REPS1: variants seen among roughly 807,000 people sequenced by gnomAD.
The protein encoded by REPS1 is ralBP1-associated Eps domain-containing protein 1.
In REPS1, 39 loss-of-function variants were observed where a neutral mutation model predicts 100.9. That is an observed-to-expected ratio of 0.39 (90% CI 0.30 to 0.50). The LOEUF (loss-of-function observed/expected upper bound fraction) is 0.50. Among genes scored for constraint, REPS1 ranks in the 20% least tolerant of loss-of-function variants. REPS1 has a pLI of 0.86. For missense variants in REPS1, 821 were observed against 968.5 expected (o/e 0.85, Z 2.02); for synonymous variants, 324 against 340.3 (o/e 0.95, Z 0.53).
Position 138,920,273 on chromosome 6 carries a change from G to A in REPS1, c.1470C>T (p.Asp490=), listed in dbSNP as rs1443417891. 1 of 1,604,304 alleles carries A rather than the reference G, an allele frequency of 6.2e-7. No homozygotes were observed. The highest frequency in any genetic ancestry group is 8.5e-7 in the Non-Finnish European group (1 of 1,171,406). Residue 490 remains aspartate, a synonymous_variant, in exon 12 of 20, where the codon GAC becomes GAT. Coordinates refer to ENST00000450536, the MANE Select transcript of REPS1 (RefSeq NM_001286611.2). ...AATTTATCTTATTTTCTTCTAAAAG[G>A]TCAGATGGTTTCACAAGTAATGGGC... ...PTSPLLVKPS[D]LLEENKINSS...
intron 2 of REPS1, among the ~76,000 whole-genome samples, chr6:138,947,588 T>C (rs1168865938): frequency 6.6e-6 from 1 of 152,184 alleles, no homozygotes; most frequent in East Asian, 1.9e-4. Flanking sequence ...GAAGTACATA[T>C]ACTATGCCGT....
intron 1 of REPS1, among the ~76,000 whole-genome samples, chr6:138,962,329 G>C (rs1264653939): frequency 6.6e-6 from 1 of 151,874 alleles, no homozygotes; most frequent in African/African-American, 2.4e-5. Flanking sequence ...AATGGTCCTA[G>C]AGAGTTTCAG....
chr6:138,952,956 G>C (rs1376545857), intron 1 of REPS1, among the ~76,000 whole-genome samples: 1 of 151,568 alleles, frequency 6.6e-6, no homozygotes, highest in Non-Finnish European at 1.5e-5. Flanking sequence ...TCCTGTCTCA[G>C]CATCCCAAGT....
chr6:138,942,203 C>G (rs1782306831), intron 7 of REPS1, among the ~76,000 whole-genome samples: 1 of 152,162 alleles, frequency 6.6e-6, no homozygotes. Flanking sequence ...AGAAATACAG[C>G]CACTCCACCT....
Position 138,914,715 on chromosome 6 carries a change from T to C in REPS1, c.1767A>G (p.Pro589=), listed in dbSNP as rs1032132465. The C allele has an allele frequency of 6.2e-7, 1 of 1,613,486 alleles. No individual in the cohort carries two copies. The highest frequency in any genetic ancestry group is 8.5e-7 in the Non-Finnish European group (1 of 1,179,708). ...GVVAHPPAVP[P]RPQPSQAPGP... ...GAATTACCTGTGAGGGCTGTGGTCT[T>C]GGAGGCACTGCAGGAGGATGGGCAA... The change falls in exon 15 of 20, where the codon CCA becomes CCG. Residue 589 remains proline (P), a synonymous_variant. Coordinates refer to ENST00000450536, the MANE Select transcript of REPS1 (RefSeq NM_001286611.2).
rs1562502471 is a variant in REPS1 at position 138,903,728 on chromosome 6, C to CT, written c.*1335dup. The CT allele has an allele frequency of 6.6e-6, 1 of 152,098 alleles. No homozygotes were observed. The highest frequency in any genetic ancestry group is 2.4e-5 in the African/African-American group (1 of 41,418). The allele number at this position is 152,098 out of a possible 1,614,324, so 9.4% of individuals were successfully genotyped here. A position where few individuals can be genotyped will look rare whatever the true frequency, so the allele number is the denominator to read the frequency against. On this transcript the variant is annotated 3_prime_UTR_variant, in exon 20 of 20. Transcript: ENST00000450536. The stretch of plus-strand genomic sequence containing the variant: ...TGAGTAGTTTCCTGGGCCTTTAATG[C>CT]TTTAAATTTATTATTTAACAACTAA...
Position 138,903,773 on chromosome 6 carries a change from T to A in REPS1, c.*1291A>T, listed in dbSNP as rs1279487221. On this transcript the variant is annotated 3_prime_UTR_variant, in exon 20 of 20. Coordinates refer to ENST00000450536, the MANE Select transcript of REPS1 (RefSeq NM_001286611.2). Reference sequence around the variant, plus strand: ...AACTAAAGCCATACTGAAAGCCACTTGGAAACTTCAGCTGATGTATATTTT... The same window carrying A: ...AACTAAAGCCATACTGAAAGCCACTAGGAAACTTCAGCTGATGTATATTTT... 1 of 152,190 alleles carries A rather than the reference T, an allele frequency of 6.6e-6. No individual in the cohort carries two copies. The highest frequency in any genetic ancestry group is 2.4e-5 in the African/African-American group (1 of 41,454). 9.4% of individuals were successfully genotyped at this position (152,190 alleles called of 1,614,324 possible).
At chr6:138,984,493 A>G (rs906937619) in intron 1 of REPS1, among the ~76,000 whole-genome samples, 1 of 152,090 alleles carries the variant, frequency 6.6e-6, no homozygotes, top group African/African-American at 2.4e-5. Context: ...TGTCCTGTGC[A>G]CTGCAGGATG....
Position 138,921,065 on chromosome 6 carries a change from C to G in REPS1, c.1398G>C (p.Gln466His). 1 of 1,612,960 alleles carries G rather than the reference C, an allele frequency of 6.2e-7. No individual in the cohort carries two copies. The highest frequency in any genetic ancestry group is 1.1e-5 in the South Asian group (1 of 90,872). ...TGCCAGTTCTTTTAAGTTCCATTTCCTGCATGTGGATTTTGCTTGGAGTCA... is the reference window on the plus strand; with the variant it reads ...TGCCAGTTCTTTTAAGTTCCATTTCGTGCATGTGGATTTTGCTTGGAGTCA... ...IRMTPSKIHM[Q>H]EMELKRTGSD... is the part of the protein sequence containing the mutation. The change falls in exon 11 of 20, where the codon CAG (glutamine) becomes CAC (histidine). Residue 466 changes from glutamine to histidine, a missense_variant. Physicochemically the swap from Gln to His is conservative, Grantham distance 24 (BLOSUM62 0). Coordinates refer to ENST00000450536, the MANE Select transcript of REPS1 (RefSeq NM_001286611.2).
At chr6:138,963,548 T>C (rs1562558425) in intron 1 of REPS1, among the ~76,000 whole-genome samples, 1 of 152,232 alleles carries the variant, frequency 6.6e-6, no homozygotes, top group Admixed American at 6.5e-5. Context: ...AAAGATCATG[T>C]TCACCATTTC....
chr6:138,926,255 C>A, intron 10 of REPS1, 146 bp downstream of exon 10: 1 of 550,624 alleles, frequency 1.8e-6, no homozygotes, highest in Non-Finnish European at 3.2e-6. Flanking sequence ...TCTTTCCCAC[C>A]ATTAAGCACA....
At position 138,919,607 on chromosome 6, in the gene REPS1, T is replaced by C. The variant is rs1441848603; in HGVS notation, c.1528+608A>G. ...AAAAGCAGGTCCTGCCTTAGGGCTC[T>C]ACATTTGCTGTTTGCTGTGCCTTAA... On this transcript the variant is annotated intron_variant, in intron 12 of 19. Coordinates refer to ENST00000450536, the MANE Select transcript of REPS1 (RefSeq NM_001286611.2). Among the ~76,000 whole-genome samples the C allele has an allele frequency of 2.0e-5, 3 of 152,380 alleles. No homozygotes were observed. The East Asian group carries it at 5.8e-4, about 29-fold the overall frequency.
Position 138,904,064 on chromosome 6 carries a change from C to T in REPS1, c.*1000G>A, listed in dbSNP as rs1291762477. 1 of 152,128 alleles carries T rather than the reference C, an allele frequency of 6.6e-6. No individual in the cohort carries two copies. Among genetic ancestry groups the T allele is most frequent in the African/African-American group, 2.4e-5 (1 of 41,432 alleles). The allele number at this position is 152,128 out of a possible 1,614,324, so 9.4% of individuals were successfully genotyped here. A position where few individuals can be genotyped will look rare whatever the true frequency, so the allele number is the denominator to read the frequency against. The stretch of plus-strand genomic sequence containing the variant: ...GTGTAAAACCACACTTCTGATTCTG[C>T]CAAGATATATCCATGCAGTTTAAAA... On this transcript the variant is annotated 3_prime_UTR_variant, in exon 20 of 20. Transcript: ENST00000450536.
chr6:138,943,100 A>T (rs1178821327), intron 7 of REPS1, among the ~76,000 whole-genome samples: 6 of 152,224 alleles, frequency 3.9e-5, no homozygotes, highest in Admixed American at 6.5e-5. Context: ...TCTAATAGCC[A>T]ATTCGAACCA....
intron 10 of REPS1, among the ~76,000 whole-genome samples, chr6:138,925,328 C>T (rs1781036955): frequency 6.6e-6 from 1 of 152,162 alleles, no homozygotes; most frequent in South Asian, 2.1e-4. Context: ...GATCGCACCA[C>T]TGCACTCCAG....
At chr6:138,955,104 G>T (rs193267246) in intron 1 of REPS1, among the ~76,000 whole-genome samples, 14 of 152,078 alleles carry the variant, frequency 9.2e-5, no homozygotes, top group African/African-American at 2.9e-4. Context: ...ATGTCTTTGT[G>T]CACTTGTACA....
chr6:138,987,810 C>A lies in REPS1; in HGVS notation c.-128G>T. The stretch of plus-strand genomic sequence containing the variant: ...AGCTTCCCGAAAACGCCGGCCCCGG[C>A]CTCACACGCGCCAGGTGCGCCCGAG... On this transcript the variant is annotated 5_prime_UTR_variant, in exon 1 of 20. Coordinates refer to ENST00000450536, the MANE Select transcript of REPS1 (RefSeq NM_001286611.2). 1.6e-6 allele frequency: 2 copies of A among 1,227,286 alleles called. No homozygotes were observed. Among genetic ancestry groups the A allele is most frequent in the Non-Finnish European group, 2.1e-6 (2 of 942,260 alleles). The allele number at this position is 1,227,286 out of a possible 1,614,324, so 76.0% of individuals were successfully genotyped here.
chr6:138,934,912 A>C (rs1781710428), intron 8 of REPS1, among the ~76,000 whole-genome samples: 1 of 152,232 alleles, frequency 6.6e-6, no homozygotes, highest in Non-Finnish European at 1.5e-5. Context: ...TCGAGTGTTC[A>C]TGACTTTTAC....
At chr6:138,956,248 A>G (rs1261176095) in intron 1 of REPS1, among the ~76,000 whole-genome samples, 1 of 152,120 alleles carries the variant, frequency 6.6e-6, no homozygotes, top group Non-Finnish European at 1.5e-5. Context: ...GAAAATTTCA[A>G]TAAATTTTTG....
Sources: gnomAD v4.1 joint callset for allele counts (sites outside exome capture counted in the v4.1 genomes callset) on GRCh38, gnomAD v4.1.1 for gene constraint, MANE v1.5 for transcripts, NCBI Gene and HGNC (gene_info 2026-07-23, HGNC 2026-07-21) for gene names.